The following CDH13 variants were observed in gnomAD, a reference collection of about 807,000 sequenced individuals.
CDH13 encodes cadherin 13, also known as cadherin-13.
A neutral mutation model predicts 63.8 loss-of-function variants in CDH13; 24 were observed. That is an observed-to-expected ratio of 0.38 (90% CI 0.27 to 0.53). The LOEUF (loss-of-function observed/expected upper bound fraction) is 0.53. Ranked by LOEUF, CDH13 falls within the 20% of genes least tolerant of loss-of-function variation. The pLI is 0.85. For synonymous variants in CDH13, 503 were observed against 355.3 expected (o/e 1.42, Z -4.67); for missense variants, 1,049 against 903.1 (o/e 1.16, Z -2.07).
chr16:83,341,812 G>C (rs925093718), intron 5 of CDH13, among the ~76,000 whole-genome samples: 25 of 152,100 alleles, frequency 1.6e-4, no homozygotes, highest in African/African-American at 6.0e-4. Flanking sequence ...GTTCCAATTA[G>C]TTCCAAGTTC....
At chr16:83,031,417 C>T (rs979906662) in intron 2 of CDH13, among the ~76,000 whole-genome samples, 2 of 147,126 alleles carry the variant, frequency 1.4e-5, no homozygotes, top group Non-Finnish European at 3.0e-5. Context: ...TATGTATACA[C>T]GTATATGGTA....
At chr16:82,934,429 T>G (rs1374989706) in intron 2 of CDH13, among the ~76,000 whole-genome samples, 3 of 152,178 alleles carry the variant, frequency 2.0e-5, no homozygotes, top group Non-Finnish European at 4.4e-5. Context: ...AACCATTTTT[T>G]CCATCTAGGC....
chr16:83,735,222 T>G (rs1457), intron 10 of CDH13: 1 of 152,132 alleles, frequency 6.6e-6, no homozygotes, highest in Non-Finnish European at 1.5e-5. Context: ...GCTTATGCCC[T>G]GCATTTATAA....
intron 1 of CDH13, among the ~76,000 whole-genome samples, chr16:82,753,594 T>C (rs2034503368): frequency 6.6e-6 from 1 of 152,218 alleles, no homozygotes; most frequent in South Asian, 2.1e-4. Context: ...AAAAAAATTC[T>C]TTATAGCCAA....
At chr16:82,985,700 C>T (rs1158971963) in intron 2 of CDH13, among the ~76,000 whole-genome samples, 3 of 152,122 alleles carry the variant, frequency 2.0e-5, no homozygotes, top group African/African-American at 7.2e-5. Flanking sequence ...TATTTGTCCC[C>T]ATCCAAATTT....
intron 4 of CDH13, among the ~76,000 whole-genome samples, chr16:83,163,904 C>G (rs1027251870): frequency 2.0e-5 from 3 of 152,108 alleles, no homozygotes; most frequent in African/African-American, 7.2e-5. Flanking sequence ...TCGTCGCTGT[C>G]AACATCATCA....
chr16:82,885,742 C>A (rs560132185), intron 2 of CDH13, among the ~76,000 whole-genome samples: 3 of 152,138 alleles, frequency 2.0e-5, no homozygotes, highest in South Asian at 4.1e-4. Flanking sequence ...CATTCAAATT[C>A]TGTCTGTATG....
intron 3 of CDH13, among the ~76,000 whole-genome samples, chr16:83,068,543 G>C (rs971397441): frequency 1.3e-5 from 2 of 152,138 alleles, no homozygotes; most frequent in Non-Finnish European, 2.9e-5. Context: ...GTTGTAACCA[G>C]CCTCTTTAAA....
At position 83,308,547 on chromosome 16, in the gene CDH13, G is replaced by C. The variant is rs2089930616; in HGVS notation, c.637-36315G>C. ...GGCAAATGGCAACAAAAACACACTA[G>C]AGATTACAAAGCCAACGTCACTATT... On this transcript the variant is annotated intron_variant, in intron 5 of 13. Coordinates refer to ENST00000567109, the MANE Select transcript of CDH13 (RefSeq NM_001257.5). 2.6e-5 allele frequency among the ~76,000 whole-genome samples: 4 copies of C among 152,176 alleles called. No individual in the cohort carries two copies. In the South Asian group the frequency reaches 8.3e-4, roughly 31 times the overall value.
At chr16:83,203,853 C>G (rs935704146) in intron 4 of CDH13, among the ~76,000 whole-genome samples, 3 of 152,002 alleles carry the variant, frequency 2.0e-5, no homozygotes, top group African/African-American at 7.3e-5. Context: ...TCAACAGCAT[C>G]CGAGGGCATG....
chr16:83,502,901 G>A (rs2074313790), intron 7 of CDH13, among the ~76,000 whole-genome samples: 1 of 152,202 alleles, frequency 6.6e-6, no homozygotes, highest in African/African-American at 2.4e-5. Context: ...CTAGAAGGCT[G>A]GGTGGCTGCC....
At chr16:83,263,674 T>A (rs953686286) in intron 5 of CDH13, among the ~76,000 whole-genome samples, 1 of 152,220 alleles carries the variant, frequency 6.6e-6, no homozygotes, top group Non-Finnish European at 1.5e-5. Context: ...TTATGAGGCT[T>A]TTGACTGGCT....
intron 2 of CDH13, among the ~76,000 whole-genome samples, chr16:82,982,904 A>T (rs905557208): frequency 6.6e-6 from 1 of 152,240 alleles, no homozygotes; most frequent in Middle Eastern, 3.4e-3. Context: ...GGATACCCCC[A>T]TGAACCGGAG....
chr16:82,769,883 G>C (rs2035197013), intron 1 of CDH13, among the ~76,000 whole-genome samples: 1 of 152,240 alleles, frequency 6.6e-6, no homozygotes, highest in Non-Finnish European at 1.5e-5. Context: ...ATAAGTCAGA[G>C]AGGAAATTTG....
intron 7 of CDH13, among the ~76,000 whole-genome samples, chr16:83,568,463 T>C (rs1329065395): frequency 6.6e-6 from 1 of 152,190 alleles, no homozygotes; most frequent in Non-Finnish European, 1.5e-5. Context: ...TGTCCGCACA[T>C]GTCACTGAGT....
intron 7 of CDH13, among the ~76,000 whole-genome samples, chr16:83,594,220 A>G (rs1197825832): frequency 2.0e-5 from 3 of 152,202 alleles, no homozygotes; most frequent in African/African-American, 7.2e-5. Flanking sequence ...CAAAAATTCT[A>G]CTAAATAATA....
At chr16:83,406,851 A>G (rs1044030326) in intron 6 of CDH13, among the ~76,000 whole-genome samples, 2 of 152,192 alleles carry the variant, frequency 1.3e-5, no homozygotes, top group Non-Finnish European at 2.9e-5. Flanking sequence ...AAGATAGCAG[A>G]ATCTACCTCA....
chr16:83,534,286 G>A (rs1416159720), intron 7 of CDH13, among the ~76,000 whole-genome samples: 1 of 152,118 alleles, frequency 6.6e-6, no homozygotes, highest in Non-Finnish European at 1.5e-5. Context: ...CTCACAGCCT[G>A]GATTCAAATA....
intron 1 of CDH13, among the ~76,000 whole-genome samples, chr16:82,640,502 G>A (rs1037086060): frequency 3.9e-5 from 6 of 152,086 alleles, no homozygotes; most frequent in South Asian, 2.1e-4. Flanking sequence ...TATCCGTGTA[G>A]CATTAAAGCA....
Sources: gnomAD v4.1 joint callset for allele counts (sites outside exome capture counted in the v4.1 genomes callset) on GRCh38, gnomAD v4.1.1 for gene constraint, MANE v1.5 for transcripts, NCBI Gene and HGNC (gene_info 2026-07-23, HGNC 2026-07-21) for gene names.